LRRC4C: variants seen among roughly 807,000 people sequenced by gnomAD.
LRRC4C encodes leucine rich repeat containing 4C.
A neutral mutation model predicts 33.6 loss-of-function variants in LRRC4C; 5 were observed. The ratio of observed to expected loss-of-function variants is 0.15; its 90% CI spans 0.08 to 0.31. LRRC4C has a LOEUF of 0.31. Ranked by LOEUF, LRRC4C falls within the 10% of genes least tolerant of loss-of-function variation. The pLI is 1.00. For missense variants in LRRC4C, 560 were observed against 796.7 expected (o/e 0.70, Z 3.58); for synonymous variants, 329 against 302.0 (o/e 1.09, Z -0.93).
chr11:41,402,171 C>T (rs1237481678), intron 1 of LRRC4C, among the ~76,000 whole-genome samples: 1 of 152,022 alleles, frequency 6.6e-6, no homozygotes, highest in Non-Finnish European at 1.5e-5. Flanking sequence ...AGAACAAACA[C>T]TCAAAGAAGA....
chr11:40,857,076 G>T (rs1441699330), intron 2 of LRRC4C, among the ~76,000 whole-genome samples: 3 of 152,046 alleles, frequency 2.0e-5, no homozygotes, highest in African/African-American at 7.3e-5. Context: ...CTAGAACTCA[G>T]GTTTTCCATT....
intron 3 of LRRC4C, among the ~76,000 whole-genome samples, chr11:40,416,925 C>G (rs1950343880): frequency 6.6e-6 from 1 of 152,158 alleles, no homozygotes; most frequent in Non-Finnish European, 1.5e-5. Flanking sequence ...AAATGAATGA[C>G]TTGATGAGTT....
intron 1 of LRRC4C, among the ~76,000 whole-genome samples, chr11:41,324,554 G>C (rs1251056211): frequency 6.6e-6 from 1 of 152,168 alleles, no homozygotes; most frequent in African/African-American, 2.4e-5. Context: ...TGTAAGGTTT[G>C]AATGACATCC....
At chr11:41,304,579 G>A (rs1461784959) in intron 1 of LRRC4C, among the ~76,000 whole-genome samples, 3 of 93,570 alleles carry the variant, frequency 3.2e-5, no homozygotes, top group African/African-American at 4.0e-5. Flanking sequence ...AGGTGGGGGG[G>A]TCAGCCCCCC....
At chr11:40,984,413 A>G (rs867069722) in intron 1 of LRRC4C, among the ~76,000 whole-genome samples, 4 of 75,252 alleles carry the variant, frequency 5.3e-5, no homozygotes, top group Non-Finnish European at 1.4e-4. Flanking sequence ...GAAAGAAAGA[A>G]AGAGAAAGAA....
At chr11:41,123,247 C>T (rs1320043975) in intron 1 of LRRC4C, among the ~76,000 whole-genome samples, 2 of 144,736 alleles carry the variant, frequency 1.4e-5, no homozygotes, top group Non-Finnish European at 3.0e-5. Flanking sequence ...TTTCTCTATC[C>T]TGAGCTATGT....
intron 1 of LRRC4C, among the ~76,000 whole-genome samples, chr11:41,420,525 T>C (rs1954840119): frequency 6.6e-6 from 1 of 152,092 alleles, no homozygotes; most frequent in African/African-American, 2.4e-5. Context: ...AAGCATACAT[T>C]GCTAGTGCAT....
At chr11:41,048,794 C>T (rs1481471545) in intron 1 of LRRC4C, among the ~76,000 whole-genome samples, 1 of 152,130 alleles carries the variant, frequency 6.6e-6, no homozygotes, top group African/African-American at 2.4e-5. Context: ...ATGTGTTGGA[C>T]ACTATAACAG....
At chr11:40,814,070 G>T (rs1275394294) in intron 2 of LRRC4C, among the ~76,000 whole-genome samples, 1 of 152,088 alleles carries the variant, frequency 6.6e-6, no homozygotes, top group Non-Finnish European at 1.5e-5. Context: ...TCTTCTCACG[G>T]TTCCACTAGG....
intron 1 of LRRC4C, among the ~76,000 whole-genome samples, chr11:41,170,567 A>G (rs933275127): frequency 6.6e-6 from 1 of 152,190 alleles, no homozygotes; most frequent in Non-Finnish European, 1.5e-5. Flanking sequence ...GAAAGCTGAA[A>G]CTGGATCCCT....
chr11:40,345,694 C>T (rs1489682791), intron 3 of LRRC4C, among the ~76,000 whole-genome samples: 1 of 152,050 alleles, frequency 6.6e-6, no homozygotes, highest in Non-Finnish European at 1.5e-5. Flanking sequence ...CAAAAATTAC[C>T]AAGTGGGACC....
rs549095259 is a variant in LRRC4C at position 40,725,288 on chromosome 11, C to T, written c.-406-77010G>A. Among the ~76,000 whole-genome samples, 122 of 152,206 alleles carry T rather than the reference C, an allele frequency of 8.0e-4. 1 individual carries two copies. Among genetic ancestry groups the T allele is most frequent in the African/African-American group, 2.9e-3 (119 of 41,554 alleles). On this transcript the variant is annotated intron_variant, in intron 2 of 6. Coordinates refer to ENST00000528697, the MANE Select transcript of LRRC4C (RefSeq NM_001258419.2). ...CTGGGAGGCCGAGGCAGGTGGATCA[C>T]GAGGTCAGGAGATCGAGACCATCCT...
At chr11:40,860,777 CTTTTTTTTTTTTTTTTT>C (rs60307580) in intron 2 of LRRC4C, among the ~76,000 whole-genome samples, 10 of 43,226 alleles carry the variant, frequency 2.3e-4, no homozygotes, top group African/African-American at 8.0e-4. Context: ...GGCTTAGGAT[CTTTTTTTTTTTTTTTTT>C]TTTTTTTTTT....
At chr11:40,891,377 G>A (rs1334209506) in intron 2 of LRRC4C, among the ~76,000 whole-genome samples, 1 of 152,062 alleles carries the variant, frequency 6.6e-6, no homozygotes, top group Non-Finnish European at 1.5e-5. Flanking sequence ...TATTTAAAGA[G>A]ACATTTCTGT....
intron 2 of LRRC4C, among the ~76,000 whole-genome samples, chr11:40,791,528 G>T (rs1950620819): frequency 6.6e-6 from 1 of 152,182 alleles, no homozygotes; most frequent in Non-Finnish European, 1.5e-5. Flanking sequence ...TAATCACTAA[G>T]CACTATGGAG....
intron 3 of LRRC4C, among the ~76,000 whole-genome samples, chr11:40,453,352 A>C (rs1951981574): frequency 6.6e-6 from 1 of 152,208 alleles, no homozygotes; most frequent in African/African-American, 2.4e-5. Context: ...TAAAAATAAA[A>C]AAATGGAAAA....
intron 3 of LRRC4C, among the ~76,000 whole-genome samples, chr11:40,608,672 T>TCTCTCTACAAGAGA (rs1960886799): frequency 6.6e-6 from 1 of 152,108 alleles, no homozygotes; most frequent in South Asian, 2.1e-4. Context: ...CTAACTACAT[T>TCTCTCTACAAGAGA]CTCTCTACAA....
intron 1 of LRRC4C, among the ~76,000 whole-genome samples, chr11:41,083,435 C>T (rs983761007): frequency 6.6e-6 from 1 of 152,114 alleles, no homozygotes; most frequent in South Asian, 2.1e-4. Context: ...AGAAACATTA[C>T]ACCGACTTTC....
At chr11:40,892,919 A>G (rs1955784658) in intron 2 of LRRC4C, among the ~76,000 whole-genome samples, 1 of 152,194 alleles carries the variant, frequency 6.6e-6, no homozygotes, top group South Asian at 2.1e-4. Flanking sequence ...ACATTTATGA[A>G]TGGTTAAAAT....
Sources: allele counts gnomAD v4.1 joint callset (sites outside exome capture counted in the v4.1 genomes callset), GRCh38; gene constraint gnomAD v4.1.1; transcripts MANE v1.5; gene names NCBI Gene and HGNC (gene_info 2026-07-23, HGNC 2026-07-21).